LIN28B: variants seen among roughly 807,000 people sequenced by gnomAD.
LIN28B encodes the protein protein lin-28 homolog B.
A neutral mutation model predicts 21.9 loss-of-function variants in LIN28B; 5 were observed. The observed-to-expected ratio is 0.23, with a 90% CI of 0.12 to 0.48. LIN28B has a LOEUF of 0.48. LIN28B is among the 20% of genes least tolerant of loss of function. The pLI, the probability that LIN28B is intolerant of heterozygous loss-of-function variation, is 0.98. For synonymous variants in LIN28B, 109 were observed against 111.3 expected (o/e 0.98, Z 0.13); for missense variants, 245 against 310.5 (o/e 0.79, Z 1.58).
chr6:104,969,190 T>C (rs1769924141), intron 2 of LIN28B, among the ~76,000 whole-genome samples: 1 of 152,182 alleles, frequency 6.6e-6, no homozygotes, highest in Admixed American at 6.5e-5. Context: ...ATTGGCCTCA[T>C]TTTTTAGCTC....
intron 3 of LIN28B, among the ~76,000 whole-genome samples, chr6:105,042,133 C>G (rs1326337127): frequency 6.6e-6 from 1 of 152,080 alleles, no homozygotes; most frequent in Non-Finnish European, 1.5e-5. Flanking sequence ...AACTCCCACC[C>G]CCATCTAAAC....
At chr6:105,030,954 C>CTATTT (rs1338606649) in intron 3 of LIN28B, among the ~76,000 whole-genome samples, 2 of 151,854 alleles carry the variant, frequency 1.3e-5, no homozygotes, top group Non-Finnish European at 2.9e-5. Context: ...TTATTTCCTT[C>CTATTT]TATTTTATTT....
At position 105,075,203 on chromosome 6, in the gene LIN28B, A is replaced by T. The variant is rs1488577707; in HGVS notation, c.384-3211A>T. Among the ~76,000 whole-genome samples the T allele has an allele frequency of 2.0e-5, 3 of 152,230 alleles. No individual in the cohort carries two copies. In the East Asian group the frequency reaches 5.8e-4, roughly 29 times the overall value. ...TATATTTCTTAAGCATATAGCTAAA[A>T]ATGGACACACATGATATTTTTATGC... On this transcript the variant is annotated intron_variant, in intron 3 of 3. Coordinates refer to ENST00000345080, the MANE Select transcript of LIN28B (RefSeq NM_001004317.4).
chr6:105,062,739 A>C (rs1772147133), intron 3 of LIN28B, among the ~76,000 whole-genome samples: 1 of 151,992 alleles, frequency 6.6e-6, no homozygotes, highest in South Asian at 2.1e-4. Flanking sequence ...TGGTTCTTGC[A>C]TTTACATCCT....
At chr6:105,011,616 G>A (rs1010951638) in intron 2 of LIN28B, among the ~76,000 whole-genome samples, 3 of 152,164 alleles carry the variant, frequency 2.0e-5, no homozygotes, top group African/African-American at 4.8e-5. Flanking sequence ...TTGGGAGGCC[G>A]AGGCAGGCAG....
chr6:104,996,089 C>T (rs1770594151), intron 2 of LIN28B, among the ~76,000 whole-genome samples: 1 of 152,008 alleles, frequency 6.6e-6, no homozygotes, highest in Non-Finnish European at 1.5e-5. Context: ...AATCTTGTAG[C>T]ATCTCAATAA....
Position 104,984,523 on chromosome 6 carries a change from C to T in LIN28B, c.198+26237C>T, listed in dbSNP as rs560151969. On this transcript the variant is annotated intron_variant, in intron 2 of 3. Transcript: ENST00000345080. ...CAGCCTGAGGTGCAGTGGCTCACTG[C>T]GGTCTCCAACTCCTGGGCCCAAGCG... 2.7e-4 allele frequency among the ~76,000 whole-genome samples: 41 copies of T among 151,754 alleles called. No individual in the cohort carries two copies. In the Middle Eastern group the frequency reaches 0.014, roughly 50 times the overall value.
intron 2 of LIN28B, among the ~76,000 whole-genome samples, chr6:104,978,379 G>A (rs1312177195): frequency 1.3e-5 from 2 of 152,146 alleles, no homozygotes; most frequent in Admixed American, 6.5e-5. Flanking sequence ...AACTAGTAGA[G>A]GCCTTGAAAT....
At chr6:105,019,980 T>C (rs1029305042) in intron 2 of LIN28B, among the ~76,000 whole-genome samples, 3 of 152,090 alleles carry the variant, frequency 2.0e-5, no homozygotes, top group Non-Finnish European at 2.9e-5. Flanking sequence ...CCAATCTAGT[T>C]GGAGAGAAAA....
upstream of LIN28B, among the ~76,000 whole-genome samples, chr6:104,953,381 A>G (rs577399190): frequency 3.9e-5 from 6 of 152,298 alleles, no homozygotes; most frequent in Admixed American, 6.5e-5. Flanking sequence ...TCTTAGCTTT[A>G]GGAGATTCTG....
upstream of LIN28B, among the ~76,000 whole-genome samples, chr6:104,955,187 G>A (rs1778270291): frequency 6.6e-6 from 1 of 152,158 alleles, no homozygotes; most frequent in Admixed American, 6.5e-5. Context: ...TTTCTTGTCA[G>A]TGTAATCAGT....
chr6:105,040,922 T>C (rs758321763), intron 3 of LIN28B, among the ~76,000 whole-genome samples: 8 of 152,118 alleles, frequency 5.3e-5, no homozygotes, highest in Middle Eastern at 3.2e-3. Context: ...ATTTTTTTAT[T>C]TTTTGAGACA....
intron 3 of LIN28B, among the ~76,000 whole-genome samples, chr6:105,056,907 T>C (rs1772033262): frequency 6.6e-6 from 1 of 152,132 alleles, no homozygotes; most frequent in Admixed American, 6.6e-5. Flanking sequence ...TTACTTTGAG[T>C]GTTTCCATTC....
chr6:104,950,517 T>G (rs1045597199), intron 3 of LIN28B: 3 of 256,224 alleles, frequency 1.2e-5, no homozygotes, highest in Non-Finnish European at 1.8e-5. Context: ...CAGGTTAGTC[T>G]TTTTTTTTTT....
At chr6:104,990,412 T>C (rs932864537) in intron 2 of LIN28B, among the ~76,000 whole-genome samples, 20 of 152,056 alleles carry the variant, frequency 1.3e-4, no homozygotes, top group African/African-American at 3.4e-4. Context: ...TGGTTTATAC[T>C]GGCTGTCTTT....
intron 2 of LIN28B, among the ~76,000 whole-genome samples, chr6:105,009,771 T>C (rs540909805): frequency 6.6e-6 from 1 of 152,308 alleles, no homozygotes; most frequent in South Asian, 2.1e-4. Context: ...AGTTGTTCCC[T>C]TTAGTTTCAT....
At chr6:105,025,686 G>T (rs1405740160) in intron 2 of LIN28B, among the ~76,000 whole-genome samples, 1 of 152,118 alleles carries the variant, frequency 6.6e-6, no homozygotes, top group South Asian at 2.1e-4. Context: ...GAAGGCTGAG[G>T]CTAGAAAATC....
intron 2 of LIN28B, among the ~76,000 whole-genome samples, chr6:104,986,463 T>C (rs550492314): frequency 3.3e-5 from 5 of 151,602 alleles, no homozygotes; most frequent in Non-Finnish European, 5.9e-5. Flanking sequence ...CTCATTTTTT[T>C]CCCATATTGT....
intron 3 of LIN28B, among the ~76,000 whole-genome samples, chr6:105,035,200 T>C (rs749255790): frequency 1.3e-5 from 2 of 152,162 alleles, no homozygotes; most frequent in Admixed American, 1.3e-4. Flanking sequence ...TTTAAAATTC[T>C]GTCAAGGATT....
Sources: gnomAD v4.1 joint callset for allele counts (sites outside exome capture counted in the v4.1 genomes callset) on GRCh38, gnomAD v4.1.1 for gene constraint, MANE v1.5 for transcripts, NCBI Gene and HGNC (gene_info 2026-07-23, HGNC 2026-07-21) for gene names.